The following OPRM1 variants were observed in gnomAD, a reference collection of about 807,000 sequenced individuals.
OPRM1 encodes the protein mu-type opioid receptor.
A neutral mutation model predicts 31.8 loss-of-function variants in OPRM1; 27 were observed. The ratio of observed to expected loss-of-function variants is 0.85; its 90% confidence interval spans 0.63 to 1.17. The LOEUF is 1.17. OPRM1 is among the 50% of genes most tolerant of loss of function. The pLI, the probability that OPRM1 is intolerant of heterozygous loss-of-function variation, is 0.00. For missense variants in OPRM1, 536 were observed against 511.1 expected (o/e 1.05, Z -0.47); for synonymous variants, 196 against 189.9 (o/e 1.03, Z -0.26).
At chr6:154,133,848 C>G (rs1382780745), downstream of OPRM1, among the ~76,000 whole-genome samples, 1 of 152,208 alleles carries the variant, frequency 6.6e-6, no homozygotes, top group East Asian at 1.9e-4. Flanking sequence ...ATTCTTGACC[C>G]TTTACATTTC....
rs923584531 is a variant in OPRM1 at position 154,126,639 on chromosome 6, TC to T, written c.*7919del. ...GACACCGAAACAACCAAGCCTAGAA[TC>T]AGCTGGTGCCTCTTTTCATCTGCAG... On this transcript the variant is annotated 3_prime_UTR_variant, in exon 4 of 4. Coordinates refer to ENST00000330432, the MANE Select transcript of OPRM1 (RefSeq NM_000914.5). Among the ~76,000 whole-genome samples, 18 of 152,128 alleles carry T rather than the reference TC, an allele frequency of 1.2e-4. No individual in the cohort carries two copies. The highest frequency in any genetic ancestry group is 2.2e-4 in the Non-Finnish European group (15 of 68,014).
upstream of OPRM1, among the ~76,000 whole-genome samples, chr6:154,035,107 A>T (rs1779227228): frequency 1.3e-5 from 2 of 152,192 alleles, no homozygotes; most frequent in African/African-American, 4.8e-5. Context: ...GTTGATTCTC[A>T]TATTTTTATT....
chr6:154,099,284 A>AAAGGAAGGAAGGAAGG (rs1161451260), intron 3 of OPRM1, among the ~76,000 whole-genome samples: 1 of 45,074 alleles, frequency 2.2e-5, no homozygotes, highest in Non-Finnish European at 5.3e-5. Context: ...GAGTCTGTCG[A>AAAGGAAGGAAGGAAGG]AAGGAAGGAA....
chr6:154,186,822 C>A (rs1801409791), intron 3 of OPRM1, among the ~76,000 whole-genome samples: 1 of 152,112 alleles, frequency 6.6e-6, no homozygotes, highest in African/African-American at 2.4e-5. Flanking sequence ...TCCCAAAATG[C>A]TGGGATTACA....
chr6:154,145,399 A>G (rs1798334213), intron 3 of OPRM1, among the ~76,000 whole-genome samples: 2 of 152,268 alleles, frequency 1.3e-5, no homozygotes, highest in South Asian at 4.1e-4. Context: ...TAAATATACA[A>G]TGCCATTTAC....
At position 154,128,014 on chromosome 6, in the gene OPRM1, C is replaced by G. The variant is rs1160455623; in HGVS notation, c.*9293C>G. The stretch of plus-strand genomic sequence containing the variant: ...CCAGAGAAAACCAATAGGCCTACTC[C>G]CCAGCTGAGTACTTTCCATGCAAGC... On this transcript the variant is annotated 3_prime_UTR_variant, in exon 4 of 4. Coordinates refer to ENST00000330432, the MANE Select transcript of OPRM1 (RefSeq NM_000914.5). Among the ~76,000 whole-genome samples, 1 of 152,152 alleles carries G rather than the reference C, an allele frequency of 6.6e-6. No homozygotes were observed. Among genetic ancestry groups the G allele is most frequent in the African/African-American group, 2.4e-5 (1 of 41,432 alleles).
At position 154,200,122 on chromosome 6, in the gene OPRM1, C is replaced by T. The variant is rs922983439; in HGVS notation, c.1165-46571C>T. ...ATTCTCTACCTTTTATTTTCAATCA[C>T]GGTGTCCCCGTGTTATTTCAAAAAG... On this transcript the variant is annotated intron_variant, in intron 3 of 3. Coordinates refer to the OPRM1 transcript ENST00000337049. 3.3e-5 allele frequency: 42 copies of T among 1,264,590 alleles called. No homozygotes were observed. In the Admixed American group the frequency reaches 7.0e-4, roughly 21 times the overall value. The allele number at this position is 1,264,590 out of a possible 1,614,324, so 78.3% of individuals were successfully genotyped here.
intron 3 of OPRM1, among the ~76,000 whole-genome samples, chr6:154,117,170 C>T (rs1796966643): frequency 6.6e-6 from 1 of 152,174 alleles, no homozygotes; most frequent in African/African-American, 2.4e-5. Context: ...AGAATATTTG[C>T]TACCAGACCC....
intron 1 of OPRM1, among the ~76,000 whole-genome samples, chr6:154,031,666 G>C (rs1779014352): frequency 6.6e-6 from 1 of 152,128 alleles, no homozygotes; most frequent in Admixed American, 6.5e-5. Context: ...GCTTGAACTT[G>C]GGAGGCGGAG....
chr6:154,034,360 C>T (rs189409752), upstream of OPRM1, among the ~76,000 whole-genome samples: 729 of 152,192 alleles, frequency 4.8e-3, 2 homozygotes, highest in African/African-American at 0.016. Context: ...CTGGCTAACA[C>T]GGTGAAACCG....
rs374819917 is a variant in OPRM1 at position 154,042,516 on chromosome 6, A to G, written c.290+2682A>G. 8.0e-4 allele frequency among the ~76,000 whole-genome samples: 122 copies of G among 152,306 alleles called. 1 individual carries two copies. Among genetic ancestry groups the G allele is most frequent in the African/African-American group, 2.2e-3 (91 of 41,570 alleles). On this transcript the variant is annotated intron_variant, in intron 1 of 3. Coordinates refer to ENST00000330432, the MANE Select transcript of OPRM1 (RefSeq NM_000914.5). The stretch of plus-strand genomic sequence containing the variant: ...TAAAATGTTTTAGTACATTGAGTGA[A>G]TCATGAGGCTCAGATGACTATGGCA...
intron 3 of OPRM1, among the ~76,000 whole-genome samples, chr6:154,245,627 A>G (rs541728835): frequency 1.3e-5 from 2 of 152,314 alleles, no homozygotes; most frequent in South Asian, 4.1e-4. Context: ...ATTTCACAAG[A>G]AGAATGTCAC....
At chr6:154,179,266 C>T (rs142915979) in intron 3 of OPRM1, among the ~76,000 whole-genome samples, 1 of 152,144 alleles carries the variant, frequency 6.6e-6, no homozygotes, top group Admixed American at 6.5e-5. Flanking sequence ...CTACAGCAGG[C>T]TTGTCAAACC....
chr6:154,063,772 T>C (rs1262455958), intron 1 of OPRM1, among the ~76,000 whole-genome samples: 3 of 152,092 alleles, frequency 2.0e-5, no homozygotes, highest in Non-Finnish European at 4.4e-5. Flanking sequence ...TTATAAATGG[T>C]TTATTTCATT....
chr6:154,246,360 T>C (rs940776801), intron 3 of OPRM1, among the ~76,000 whole-genome samples: 1 of 152,176 alleles, frequency 6.6e-6, no homozygotes, highest in Admixed American at 6.5e-5. Flanking sequence ...ATGTCGACAC[T>C]CCCTTCCTCC....
In OPRM1 at chr6:154,129,634, A is replaced by G. The variant is rs1797775896; in HGVS notation, c.*10913A>G. On this transcript the variant is annotated 3_prime_UTR_variant, in exon 4 of 4. Transcript: ENST00000330432. ...TATTTTAGTTCTCATAAGAACATCTACATTCATTTGAAAAATAGTTCTATA... is the reference window on the plus strand; with the variant it reads ...TATTTTAGTTCTCATAAGAACATCTGCATTCATTTGAAAAATAGTTCTATA... 6.6e-6 allele frequency among the ~76,000 whole-genome samples: 1 copy of G among 152,208 alleles called. No individual in the cohort carries two copies. The highest frequency in any genetic ancestry group is 1.5e-5 in the Non-Finnish European group (1 of 68,028).
chr6:154,019,182 CTTTT>C (rs34786795), intron 1 of OPRM1, among the ~76,000 whole-genome samples: 1 of 126,908 alleles, frequency 7.9e-6, no homozygotes. Flanking sequence ...CCCTGTTGTG[CTTTT>C]TTTTTTTTTT....
chr6:154,031,324 A>G (rs1265976825), intron 1 of OPRM1, among the ~76,000 whole-genome samples: 1 of 151,940 alleles, frequency 6.6e-6, no homozygotes, highest in Non-Finnish European at 1.5e-5. Flanking sequence ...GCACCAAACC[A>G]TGGAGTCTAC....
intron 3 of OPRM1, among the ~76,000 whole-genome samples, chr6:154,096,593 A>G (rs1425589289): frequency 2.6e-5 from 4 of 152,160 alleles, no homozygotes; most frequent in Non-Finnish European, 5.9e-5. Context: ...TTTATATGGC[A>G]ATGTACAGAT....
Sources: gnomAD v4.1 joint callset for allele counts (sites outside exome capture counted in the v4.1 genomes callset) on GRCh38, gnomAD v4.1.1 for gene constraint, MANE v1.5 for transcripts, NCBI Gene and HGNC (gene_info 2026-07-23, HGNC 2026-07-21) for gene names.